Variants in LTBP1 observed in about 807,000 individuals in gnomAD.
LTBP1 encodes latent transforming growth factor beta binding protein 1, also known as latent-transforming growth factor beta-binding protein 1.
Under a neutral mutation model 207.6 loss-of-function variants are expected in LTBP1, and 129 were observed. That is an observed-to-expected ratio of 0.62 (90% CI 0.54 to 0.72). The LOEUF (loss-of-function observed/expected upper bound fraction) is 0.72, where lower values mean the gene tolerates loss of function less well. Among genes scored for constraint, LTBP1 ranks in the 30% least tolerant of loss-of-function variants. LTBP1 has a pLI of 0.00. For synonymous variants in LTBP1, 963 were observed against 833.7 expected (o/e 1.16, Z -2.67); for missense variants, 2,281 against 2,217.2 (o/e 1.03, Z -0.58).
At chr2:33,324,136 C>T (rs1424126679) in intron 24 of LTBP1, among the ~76,000 whole-genome samples, 3 of 152,146 alleles carry the variant, frequency 2.0e-5, no homozygotes, top group Non-Finnish European at 4.4e-5. Flanking sequence ...ACCTTAGTTA[C>T]AGCAGTCCTT....
intron 2 of LTBP1, among the ~76,000 whole-genome samples, chr2:32,990,398 T>G (rs1287660450): frequency 3.3e-5 from 5 of 152,238 alleles, no homozygotes; most frequent in Admixed American, 6.5e-5. Flanking sequence ...ATTTTTTTAA[T>G]GTAATGTTAG....
In LTBP1 at chr2:33,257,471, C is replaced by A; in HGVS notation, c.2355C>A (p.Thr785=). 6.2e-7 allele frequency: 1 copy of A among 1,614,050 alleles called. No homozygotes were observed. The highest frequency in any genetic ancestry group is 8.5e-7 in the Non-Finnish European group (1 of 1,179,856). The stretch of plus-strand genomic sequence containing the variant: ...AGGAAGAGCCAGTGGAGGCCCTGAC[C>A]TTCTCCCGGGAACACGGGCCAGGAG... ...PAKEEPVEAL[T]FSREHGPGVA... Residue 785 remains threonine, a synonymous_variant, in exon 12 of 34, where the codon ACC becomes ACA. Transcript: ENST00000404816.
chr2:33,356,166 A>G (rs1175187185), intron 26 of LTBP1, among the ~76,000 whole-genome samples: 3 of 152,132 alleles, frequency 2.0e-5, no homozygotes, highest in Non-Finnish European at 4.4e-5. Context: ...GACTAAAACT[A>G]GGGGTTTATG....
intron 2 of LTBP1, among the ~76,000 whole-genome samples, chr2:32,980,589 A>G (rs1356564761): frequency 1.2e-4 from 18 of 152,142 alleles, no homozygotes; most frequent in Non-Finnish European, 2.6e-4. Context: ...TGACTAGTTC[A>G]TCTTCTTTCT....
chr2:33,393,234 C>CTTTTTTT (rs569734292), intron 32 of LTBP1, among the ~76,000 whole-genome samples: 43 of 48,706 alleles, frequency 8.8e-4, no homozygotes, highest in African/African-American at 1.6e-3. Flanking sequence ...CCTTCTTCTT[C>CTTTTTTT]TTTTTTTTTT....
At chr2:33,360,529 T>G in intron 26 of LTBP1, 68 bp from the exon 27 acceptor site, 1 of 998,754 alleles carries the variant, frequency 1.0e-6, no homozygotes, top group African/African-American at 1.6e-5. Flanking sequence ...CCCATTGCAT[T>G]CTCTACTTGT....
At chr2:33,255,059 C>T in intron 11 of LTBP1, among the ~76,000 whole-genome samples, 1 of 105,604 alleles carries the variant, frequency 9.5e-6, no homozygotes, top group Admixed American at 9.2e-5. Flanking sequence ...GTATATCTCC[C>T]AGTGCTATCC....
Position 33,021,131 on chromosome 2 carries a change from T to A in LTBP1, c.788T>A (p.Val263Asp), listed in dbSNP as rs775532908. Residue 263 changes from valine to aspartate, a missense_variant, in exon 3 of 34, where the codon GTC becomes GAC. This residue lies in a region of LTBP1 where 555 missense variants were observed against 491.0 expected (regional missense o/e 1.13). Coordinates refer to ENST00000404816, the MANE Select transcript of LTBP1 (RefSeq NM_206943.4). ...AAGAAGGCAGACACTCTACCAAGAG[T>A]CAGCCCTGTGGCCCAGATGACCTTA... is the stretch of plus-strand genomic sequence containing the variant. ...SSKKADTLPR[V>D]SPVAQMTLTL... The A allele has an allele frequency of 9.9e-6, 16 of 1,613,738 alleles. No homozygotes were observed. Among genetic ancestry groups the A allele is most frequent in the African/African-American group, 1.3e-5 (1 of 75,000 alleles).
Position 33,309,656 on chromosome 2 carries a change from G to A in LTBP1, c.3604+100G>A, listed in dbSNP as rs114010111. The A allele has an allele frequency of 1.7e-3, 2,240 of 1,352,610 alleles. 18 individuals are homozygous for A. In the African/African-American group the frequency reaches 0.023, roughly 14 times the overall value. 83.8% of individuals were successfully genotyped at this position (1,352,610 alleles called of 1,614,324 possible). ...TGTGGTTTTGCCATGTGATTTATAT[G>A]TAAATAATTTATGTCAATTTTTGAT... is the stretch of plus-strand genomic sequence containing the variant. On this transcript the variant is annotated intron_variant, in intron 23 of 33. Coordinates refer to ENST00000404816, the MANE Select transcript of LTBP1 (RefSeq NM_206943.4).
intron 3 of LTBP1, among the ~76,000 whole-genome samples, chr2:33,081,400 C>A (rs1019788918): frequency 6.6e-6 from 1 of 152,036 alleles, no homozygotes; most frequent in Non-Finnish European, 1.5e-5. Flanking sequence ...TATGGACACA[C>A]ACGAGCATAC....
rs753761235 is a variant in LTBP1, at chr2:33,259,489, T to G, written c.2396-99T>G. On this transcript the variant is annotated intron_variant, in intron 12 of 33. Transcript: ENST00000404816. ...GCTTTAGTCTGATTCTTAATCCTTTTGCAGAGATAATGGACTTCTATTGTT... is the reference window on the plus strand; with the variant it reads ...GCTTTAGTCTGATTCTTAATCCTTTGGCAGAGATAATGGACTTCTATTGTT... The G allele has an allele frequency of 4.8e-6, 4 of 829,162 alleles. No homozygotes were observed. In the Admixed American group the frequency reaches 7.9e-5, roughly 16 times the overall value. 51.4% of individuals were successfully genotyped at this position (829,162 alleles called of 1,614,324 possible). A position where few individuals can be genotyped will look rare whatever the true frequency, so the allele number is the denominator to read the frequency against.
intron 5 of LTBP1, among the ~76,000 whole-genome samples, chr2:33,140,958 C>G (rs1344201043): frequency 4.6e-5 from 7 of 152,216 alleles, no homozygotes; most frequent in African/African-American, 1.4e-4. Flanking sequence ...GCCACCACGC[C>G]CGGTCTTTTC....
intron 19 of LTBP1, among the ~76,000 whole-genome samples, chr2:33,283,061 CAAAAAAAAAA>C (rs201168175): frequency 8.1e-5 from 4 of 49,462 alleles, no homozygotes; most frequent in East Asian, 6.0e-4. Flanking sequence ...GACTCCATCT[CAAAAAAAAAA>C]AAAAAAAAAA....
intron 5 of LTBP1, among the ~76,000 whole-genome samples, chr2:33,174,345 A>G (rs1274887934): frequency 1.3e-5 from 2 of 152,124 alleles, no homozygotes; most frequent in Non-Finnish European, 2.9e-5. Flanking sequence ...AATCACAAGC[A>G]TTCTTATACA....
intron 4 of LTBP1, among the ~76,000 whole-genome samples, chr2:33,128,441 A>T (rs2081575265): frequency 6.6e-6 from 1 of 152,242 alleles, no homozygotes; most frequent in Non-Finnish European, 1.5e-5. Context: ...GAGAGCAGTG[A>T]AGTCAGTCTT....
intron 2 of LTBP1, among the ~76,000 whole-genome samples, chr2:33,014,938 G>T (rs1253570861): frequency 6.6e-6 from 1 of 151,664 alleles, no homozygotes; most frequent in African/African-American, 2.4e-5. Flanking sequence ...ATGTCAGTGG[G>T]CTTTCTGCAA....
chr2:32,986,140 G>C (rs1327712739), intron 2 of LTBP1, among the ~76,000 whole-genome samples: 2 of 152,160 alleles, frequency 1.3e-5, no homozygotes, highest in South Asian at 4.1e-4. Flanking sequence ...GGATCAATTA[G>C]ATGAGTGTTG....
intron 3 of LTBP1, among the ~76,000 whole-genome samples, chr2:33,057,639 A>T (rs887999795): frequency 5.3e-5 from 8 of 152,294 alleles, no homozygotes; most frequent in Admixed American, 2.6e-4. Context: ...CTGCTGGGGG[A>T]CCTGGCGCAC....
At chr2:33,355,184 G>A (rs1158089232) in intron 26 of LTBP1, among the ~76,000 whole-genome samples, 1 of 151,914 alleles carries the variant, frequency 6.6e-6, no homozygotes, top group Admixed American at 6.6e-5. Context: ...ATGGGTTTGT[G>A]TTGTGTGTCA....
Sources: allele counts gnomAD v4.1 joint callset (sites outside exome capture counted in the v4.1 genomes callset), GRCh38; gene constraint gnomAD v4.1.1; regional missense constraint gnomAD v4.1.1; transcripts MANE v1.5; gene names NCBI Gene and HGNC (gene_info 2026-07-23, HGNC 2026-07-21).